Variants in ITSN1 observed in about 807,000 individuals in gnomAD.
The protein encoded by ITSN1 is intersectin-1.
In ITSN1, 58 loss-of-function variants were observed where a neutral mutation model predicts 239.8. The ratio of observed to expected loss-of-function variants is 0.24; its 90% confidence interval spans 0.20 to 0.30. The LOEUF (loss-of-function observed/expected upper bound fraction) is 0.30, where lower values mean the gene tolerates loss of function less well. Ranked by LOEUF, ITSN1 falls within the 10% of genes least tolerant of loss-of-function variation. The pLI is 1.00. For synonymous variants in ITSN1, 780 were observed against 770.8 expected, an observed-to-expected ratio of 1.01 and a Z score of -0.20; for missense variants, 1,558 against 2,103.3, an observed-to-expected ratio of 0.74 and a Z score of 5.07.
intron 5 of ITSN1, among the ~76,000 whole-genome samples, chr21:33,744,067 G>A (rs923742970): frequency 2.0e-5 from 3 of 152,230 alleles, no homozygotes; most frequent in Non-Finnish European, 4.4e-5. Context: ...ATAGTTAGCT[G>A]TAGAGCTAAG....
At chr21:33,706,985 A>C (rs2092273300) in intron 1 of ITSN1, among the ~76,000 whole-genome samples, 1 of 152,148 alleles carries the variant, frequency 6.6e-6, no homozygotes, top group Admixed American at 6.5e-5. Context: ...GGCCTCCCAA[A>C]GTGCTGGGAT....
At chr21:33,702,702 T>C (rs1459274754) in intron 1 of ITSN1, among the ~76,000 whole-genome samples, 1 of 152,256 alleles carries the variant, frequency 6.6e-6, no homozygotes, top group Admixed American at 6.5e-5. Context: ...AATCTTCCCA[T>C]GTTTATGATA....
chr21:33,679,373 A>G (rs2090792356), intron 1 of ITSN1, among the ~76,000 whole-genome samples: 1 of 152,110 alleles, frequency 6.6e-6, no homozygotes, highest in Non-Finnish European at 1.5e-5. Flanking sequence ...TGCTCCCCAG[A>G]TATTCGTTGA....
At chr21:33,692,262 A>G (rs1002802414) in intron 1 of ITSN1, among the ~76,000 whole-genome samples, 3 of 152,234 alleles carry the variant, frequency 2.0e-5, no homozygotes, top group Non-Finnish European at 4.4e-5. Context: ...AAAGAATCTG[A>G]AGCTTAGAAA....
intron 1 of ITSN1, among the ~76,000 whole-genome samples, chr21:33,662,979 A>ATCAT (rs1267210745): frequency 6.6e-6 from 1 of 152,242 alleles, no homozygotes; most frequent in Non-Finnish European, 1.5e-5. Context: ...TAAATAAAAA[A>ATCAT]TCATTGACTT....
chr21:33,834,870 C>T lies in ITSN1; in HGVS notation c.3469+446C>T, dbSNP rs368692317. Among the ~76,000 whole-genome samples, 16 of 152,226 alleles carry T rather than the reference C, an allele frequency of 1.1e-4. No individual in the cohort carries two copies. In the South Asian group the frequency reaches 2.9e-3, roughly 28 times the overall value. Reference sequence around the variant, plus strand: ...TGGTGTTCACTGAAGACCAAAATAGCTCCCCTGTGACATTCACTGTGGGCA... The same window carrying T: ...TGGTGTTCACTGAAGACCAAAATAGTTCCCCTGTGACATTCACTGTGGGCA... On this transcript the variant is annotated intron_variant, in intron 28 of 39. Transcript: ENST00000381318.
intron 1 of ITSN1, among the ~76,000 whole-genome samples, chr21:33,712,785 C>T (rs547087815): frequency 3.3e-5 from 5 of 152,210 alleles, no homozygotes; most frequent in Non-Finnish European, 7.3e-5. Flanking sequence ...AATCTGCCTG[C>T]TTTTGTCTAC....
At chr21:33,652,308 T>A (rs2088613492) in intron 1 of ITSN1, among the ~76,000 whole-genome samples, 1 of 152,120 alleles carries the variant, frequency 6.6e-6, no homozygotes, top group Non-Finnish European at 1.5e-5. Context: ...ATATGAAATC[T>A]TCTGATTTTT....
Position 33,775,177 on chromosome 21 carries a change from A to G in ITSN1, c.1596+69A>G. 4 of 1,506,544 alleles carry G rather than the reference A, an allele frequency of 2.7e-6. No individual in the cohort carries two copies. In the South Asian group the frequency reaches 4.9e-5, roughly 19 times the overall value. The allele number at this position is 1,506,544 out of a possible 1,614,324, so 93.3% of individuals were successfully genotyped here. A position where few individuals can be genotyped will look rare whatever the true frequency, so the allele number is the denominator to read the frequency against. On this transcript the variant is annotated intron_variant, in intron 14 of 39. Coordinates refer to ENST00000381318, the MANE Select transcript of ITSN1 (RefSeq NM_003024.3). ...TCCTTTTCTCTAATTCATTTCATTTACTTACTTATTCAGTAAACATTAAGC... is the reference window on the plus strand; with the variant it reads ...TCCTTTTCTCTAATTCATTTCATTTGCTTACTTATTCAGTAAACATTAAGC...
At chr21:33,655,628 T>C (rs2088991715) in intron 1 of ITSN1, among the ~76,000 whole-genome samples, 1 of 150,580 alleles carries the variant, frequency 6.6e-6, no homozygotes, top group Admixed American at 6.6e-5. Flanking sequence ...AGATGGGGTT[T>C]CGCCATGTTG....
intron 29 of ITSN1, 81 bp from the exon 30 acceptor site, chr21:33,856,655 C>G: frequency 6.3e-7 from 1 of 1,593,866 alleles, no homozygotes; most frequent in Admixed American, 1.7e-5. Context: ...CAGGACCCAG[C>G]AGCCACGAGG....
At chr21:33,839,703 C>T (rs1443716934) in intron 29 of ITSN1, among the ~76,000 whole-genome samples, 2 of 152,192 alleles carry the variant, frequency 1.3e-5, no homozygotes, top group African/African-American at 2.4e-5. Context: ...TCCAGATGCC[C>T]CACGCCCTCA....
At chr21:33,735,542 C>T (rs1457404204) in intron 5 of ITSN1, 26 of 260,700 alleles carry the variant, frequency 1.0e-4, no homozygotes, top group Non-Finnish European at 1.6e-4. Flanking sequence ...TTTTGATTTT[C>T]GGTTTCCATA....
At chr21:33,854,597 A>G (rs971185686) in intron 29 of ITSN1, among the ~76,000 whole-genome samples, 4 of 152,224 alleles carry the variant, frequency 2.6e-5, no homozygotes, top group African/African-American at 9.6e-5. Flanking sequence ...TCAGCTTGCC[A>G]CAAACCCAAG....
At chr21:33,765,687 A>G (rs1347686044) in intron 9 of ITSN1, among the ~76,000 whole-genome samples, 188 bp from the exon 10 acceptor site, 2 of 152,212 alleles carry the variant, frequency 1.3e-5, no homozygotes, top group African/African-American at 2.4e-5. Context: ...AATGAGGAAC[A>G]CTGTCCCAAC....
At chr21:33,806,252 A>T (rs1406209819) in intron 20 of ITSN1, among the ~76,000 whole-genome samples, 11 of 152,072 alleles carry the variant, frequency 7.2e-5, no homozygotes, top group Admixed American at 1.3e-4. Context: ...GAATTTGGGG[A>T]GAAACCTTAT....
At chr21:33,753,397 A>G (rs1256810561) in intron 7 of ITSN1, among the ~76,000 whole-genome samples, 1 of 152,154 alleles carries the variant, frequency 6.6e-6, no homozygotes, top group Non-Finnish European at 1.5e-5. Context: ...CCTCACCCAT[A>G]GTTTACAGCT....
intron 36 of ITSN1, 42 bp downstream of exon 36, chr21:33,883,713 C>T (rs372514509): frequency 2.4e-5 from 38 of 1,604,330 alleles, no homozygotes; most frequent in Middle Eastern, 1.7e-4. Context: ...CAGGGCTCCA[C>T]GGCTCTAGGA....
At chr21:33,753,210 G>A (rs947161073) in intron 7 of ITSN1, among the ~76,000 whole-genome samples, 1 of 149,542 alleles carries the variant, frequency 6.7e-6, no homozygotes, top group Non-Finnish European at 1.5e-5. Flanking sequence ...CTTAATTGTA[G>A]GATACAGGTA....
Sources: gnomAD v4.1 joint callset for allele counts (sites outside exome capture counted in the v4.1 genomes callset) on GRCh38, gnomAD v4.1.1 for gene constraint, MANE v1.5 for transcripts, NCBI Gene and HGNC (gene_info 2026-07-23, HGNC 2026-07-21) for gene names.